Variants in TRIM66 observed in about 807,000 individuals in gnomAD.
The protein encoded by TRIM66 is tripartite motif containing 66, also known as tripartite motif-containing protein 66.
TRIM66 carries 99 observed loss-of-function variants against 148.2 expected under a neutral mutation model. That is an observed-to-expected ratio of 0.67 (90% CI 0.57 to 0.79). TRIM66 has a LOEUF of 0.79. Among genes scored for constraint, TRIM66 ranks in the 30% least tolerant of loss-of-function variants. TRIM66 has a pLI of 0.00. For missense variants in TRIM66, 1,666 were observed against 1,697.9 expected (o/e 0.98, Z 0.33); for synonymous variants, 616 against 635.9 (o/e 0.97, Z 0.47).
At chr11:8,633,348 G>A (rs1460261838) in intron 15 of TRIM66, among the ~76,000 whole-genome samples, 1 of 152,098 alleles carries the variant, frequency 6.6e-6, no homozygotes, top group East Asian at 1.9e-4. Flanking sequence ...TTTTGAATAG[G>A]AGTACTTCTA....
chr11:8,619,264 G>A, intron 23 of TRIM66, 119 bp downstream of exon 23: 4 of 1,209,638 alleles, frequency 3.3e-6, no homozygotes, highest in Non-Finnish European at 3.4e-6. Context: ...CAGGCCCCCA[G>A]AATCTGCTCC....
chr11:8,629,184 G>A (rs2035156383), intron 15 of TRIM66, among the ~76,000 whole-genome samples: 1 of 152,124 alleles, frequency 6.6e-6, no homozygotes, highest in South Asian at 2.1e-4. Context: ...ATGTCTCCTT[G>A]TTGTCCTGGT....
chr11:8,625,186 C>G lies in TRIM66; in HGVS notation c.2353G>C (p.Glu785Gln). 6.5e-7 allele frequency: 1 copy of G among 1,529,616 alleles called. No homozygotes were observed. The highest frequency in any genetic ancestry group is 8.8e-7 in the Non-Finnish European group (1 of 1,134,504). 94.8% of individuals were successfully genotyped at this position (1,529,616 alleles called of 1,614,324 possible). A position where few individuals can be genotyped will look rare whatever the true frequency, so the allele number is the denominator to read the frequency against. ...AACCTGGTAGATGACAACTCCATCT[C>G]CAGAGTGTTGGAAAAGCCCATGATG... ...LSIMGFSNTL[E>Q]MELSSTRLER... The change falls in exon 16 of 25, where the codon GAG becomes CAG. Residue 785 changes from glutamate to glutamine, a missense_variant. By Grantham distance (29) the Glu-to-Gln change is conservative (BLOSUM62 2). Around this residue, in one of 3 missense-constraint regions of TRIM66, gnomAD observed 1,431 missense variants for 1,412.4 expected, o/e 1.01. Transcript: ENST00000646038.
In TRIM66 at chr11:8,682,204, G is replaced by A. The variant is rs533194015; in HGVS notation, c.-548+397C>T. ...TGATAGCAAAAGGGCAAAAGAGAAA[G>A]GAAGCTGCAGTGCCCACTCAGAAGT... On this transcript the variant is annotated intron_variant, in intron 1 of 24. Transcript: ENST00000646038. Among the ~76,000 whole-genome samples, 6 of 152,380 alleles carry A rather than the reference G, an allele frequency of 3.9e-5. No individual in the cohort carries two copies. In the South Asian group the frequency reaches 1.2e-3, roughly 32 times the overall value.
chr11:8,661,521 T>C (rs1418835734), intron 6 of TRIM66, among the ~76,000 whole-genome samples: 1 of 152,160 alleles, frequency 6.6e-6, no homozygotes, highest in Admixed American at 6.5e-5. Context: ...ACTGATCCCT[T>C]TTCCAGCTGG....
chr11:8,619,018 T>C, intron 23 of TRIM66, 50 bp from the exon 24 acceptor site: 1 of 1,501,968 alleles, frequency 6.7e-7, no homozygotes, highest in Non-Finnish European at 9.1e-7. Context: ...TACCAGTCCA[T>C]CTCTTTCGGG....
intron 4 of TRIM66, among the ~76,000 whole-genome samples, chr11:8,672,619 CT>C (rs11293374): frequency 0.68 from 77,006 of 113,104 alleles, 25,064 homozygotes; most frequent in East Asian, 0.84. Flanking sequence ...ACTCCAGTCT[CT>C]TTTTTTTTTT....
chr11:8,624,949 T>C lies in TRIM66; in HGVS notation c.2590A>G (p.Ser864Gly). Reference sequence around the variant, plus strand: ...CTTGCCATAGCCTGAGGGGAGTCACTTATCAGGTTGGGCATGGACTGGAAT... The same window carrying C: ...CTTGCCATAGCCTGAGGGGAGTCACCTATCAGGTTGGGCATGGACTGGAAT... ...STFQSMPNLISDSPQAMASLA... is the reference protein window; with the variant it reads ...STFQSMPNLIGDSPQAMASLA... The change falls in exon 16 of 25, where the codon AGT becomes GGT. Residue 864 changes from serine to glycine, a missense_variant. By Grantham distance (56) the Ser-to-Gly change is moderately conservative (BLOSUM62 0). Around this residue, in one of 3 missense-constraint regions of TRIM66, gnomAD observed 1,431 missense variants for 1,412.4 expected, o/e 1.01. Coordinates refer to ENST00000646038, the MANE Select transcript of TRIM66 (RefSeq NM_001388022.1). 1 of 1,551,706 alleles carries C rather than the reference T, an allele frequency of 6.4e-7. No individual in the cohort carries two copies. The highest frequency in any genetic ancestry group is 1.2e-5 in the South Asian group (1 of 84,060).
At chr11:8,660,219 C>G (rs1030835459) in intron 6 of TRIM66, among the ~76,000 whole-genome samples, 1 of 152,126 alleles carries the variant, frequency 6.6e-6, no homozygotes, top group Non-Finnish European at 1.5e-5. Context: ...AATTTCCTTT[C>G]TGAACAGAAT....
At chr11:8,643,632 G>T (rs986675984) in intron 12 of TRIM66, among the ~76,000 whole-genome samples, 2 of 152,066 alleles carry the variant, frequency 1.3e-5, no homozygotes, top group African/African-American at 4.8e-5. Context: ...GTGAGCCACC[G>T]CACCTGGCCT....
chr11:8,664,772 A>G (rs1405631210), intron 6 of TRIM66, among the ~76,000 whole-genome samples: 1 of 152,174 alleles, frequency 6.6e-6, no homozygotes, highest in Admixed American at 6.5e-5. Context: ...CGGGGTTACA[A>G]ACATGAAAGG....
In TRIM66 at chr11:8,649,839, A is replaced by T; in HGVS notation, c.493T>A (p.Tyr165Asn). The T allele has an allele frequency of 1.3e-6, 2 of 1,551,688 alleles. No homozygotes were observed. Among genetic ancestry groups the T allele is most frequent in the Non-Finnish European group, 1.7e-6 (2 of 1,146,990 alleles). The change falls in exon 8 of 25, where the codon TAC becomes AAC. Residue 165 changes from tyrosine (Y) to asparagine (N), a missense_variant. Tyr to Asn is a moderately radical substitution (Grantham distance 143). Around this residue, in one of 3 missense-constraint regions of TRIM66, gnomAD observed 1,431 missense variants for 1,412.4 expected, o/e 1.01. Coordinates refer to ENST00000646038, the MANE Select transcript of TRIM66 (RefSeq NM_001388022.1). ...EKRAAHILCT[Y>N]CNRWLCSSCT... ...GAGCTGCACAGCCAGCGATTGCAGT[A>T]GGTGCAGAGGATATGTGCTGCCCTC...
chr11:8,649,068 G>A (rs190105290), intron 8 of TRIM66, among the ~76,000 whole-genome samples: 1 of 152,274 alleles, frequency 6.6e-6, no homozygotes. Flanking sequence ...GCTGGGCGCA[G>A]TGGCTCACGC....
Position 8,620,575 on chromosome 11 carries a change from G to T in TRIM66, c.3546-3C>A. On this transcript the variant is annotated splice_region_variant and splice_polypyrimidine_tract_variant and intron_variant, in intron 20 of 24. Coordinates refer to ENST00000646038, the MANE Select transcript of TRIM66 (RefSeq NM_001388022.1). ...ACAAGGTACACACCCACTCTCCCCT[G>T]CAGGGGCAGGTGAGGCCATGTTAGG... The T allele has an allele frequency of 6.4e-7, 1 of 1,551,616 alleles. No homozygotes were observed. The highest frequency in any genetic ancestry group is 1.2e-5 in the South Asian group (1 of 84,062).
chr11:8,647,998 G>T lies in TRIM66; in HGVS notation c.814C>A (p.Gln272Lys), dbSNP rs1278414175. Residue 272 changes from glutamine (Q) to lysine (K), a missense_variant, in exon 10 of 25, where the codon CAG becomes AAG. Physicochemically the swap from Gln to Lys is moderately conservative, Grantham distance 53. Coordinates refer to ENST00000646038, the MANE Select transcript of TRIM66 (RefSeq NM_001388022.1). ...TQVAHKKSSL[Q>K]TSAKQIEDRI... ...TCCTCAATTTGCTTTGCAGATGTCT[G>T]TAGACTGGATTTCTTATGTGCCACC... 6.4e-6 allele frequency: 10 copies of T among 1,551,842 alleles called. No homozygotes were observed. The highest frequency in any genetic ancestry group is 7.0e-6 in the Non-Finnish European group (8 of 1,147,012).
rs569220553 is a variant in TRIM66 at position 8,670,495 on chromosome 11, A to C, written c.340+1291T>G. 3.3e-5 allele frequency among the ~76,000 whole-genome samples: 5 copies of C among 152,360 alleles called. No individual in the cohort carries two copies. The South Asian group carries it at 1.0e-3, about 32-fold the overall frequency. On this transcript the variant is annotated intron_variant, in intron 6 of 24. Coordinates refer to ENST00000646038, the MANE Select transcript of TRIM66 (RefSeq NM_001388022.1). ...TTTCAAGATATATTTATGATTCACCATATTTATAAATTTAACTCACTGGAT... is the reference window on the plus strand; with the variant it reads ...TTTCAAGATATATTTATGATTCACCCTATTTATAAATTTAACTCACTGGAT...
chr11:8,670,178 A>G (rs1394727439), intron 6 of TRIM66, among the ~76,000 whole-genome samples: 2 of 151,864 alleles, frequency 1.3e-5, no homozygotes, highest in African/African-American at 4.8e-5. Context: ...ATGCCCGGCT[A>G]ATTTTTGTAT....
At position 8,649,907 on chromosome 11, in the gene TRIM66, G is replaced by C. The variant is rs1178687948; in HGVS notation, c.445-20C>G. On this transcript the variant is annotated intron_variant, in intron 7 of 24. Coordinates refer to ENST00000646038, the MANE Select transcript of TRIM66 (RefSeq NM_001388022.1). ...GCAGTTCTGGAAGCAGAGAGTTCTG[G>C]AGTTACTGATGTTATCCTCATTTGT... 1 of 1,546,338 alleles carries C rather than the reference G, an allele frequency of 6.5e-7. No individual in the cohort carries two copies. The highest frequency in any genetic ancestry group is 1.4e-5 in the African/African-American group (1 of 72,906).
intron 15 of TRIM66, among the ~76,000 whole-genome samples, chr11:8,635,101 T>C (rs2035762178): frequency 6.6e-6 from 1 of 151,928 alleles, no homozygotes; most frequent in Non-Finnish European, 1.5e-5. Context: ...CCAAATGGAG[T>C]CCTATTTCTC....
Sources: allele counts gnomAD v4.1 joint callset (sites outside exome capture counted in the v4.1 genomes callset), GRCh38; gene constraint gnomAD v4.1.1; regional missense constraint gnomAD v4.1.1; transcripts MANE v1.5; gene names NCBI Gene and HGNC (gene_info 2026-07-23, HGNC 2026-07-21).